The following UBXN8 variants were observed in gnomAD, a reference collection of about 807,000 sequenced individuals.
The protein encoded by UBXN8 is UBX domain-containing protein 8.
Under a neutral mutation model 32.1 loss-of-function variants are expected in UBXN8, and 27 were observed. That is an observed-to-expected ratio of 0.84 (90% confidence interval 0.62 to 1.16). UBXN8 has a LOEUF of 1.16. Among genes scored for constraint, UBXN8 ranks in the 50% most tolerant of loss-of-function variants. The pLI is 0.00. For missense variants in UBXN8, 306 were observed against 311.4 expected, an observed-to-expected ratio of 0.98 and a Z score of 0.13; for synonymous variants, 109 against 111.8, an observed-to-expected ratio of 0.98 and a Z score of 0.16.
intron 6 of UBXN8, chr8:30,763,023 A>C (rs868483570): frequency 5.9e-5 from 28 of 472,792 alleles, no homozygotes; most frequent in South Asian, 9.2e-5. Context: ...GCGTGCACCC[A>C]CATCTAGCTA....
At chr8:30,761,326 C>T (rs564238079) in intron 6 of UBXN8, among the ~76,000 whole-genome samples, 176 of 152,126 alleles carry the variant, frequency 1.2e-3, no homozygotes, top group African/African-American at 4.0e-3. Flanking sequence ...CTCACTGCAG[C>T]GTCCGCCTCC....
upstream of UBXN8, among the ~76,000 whole-genome samples, chr8:30,740,738 C>T (rs1247547195): frequency 6.6e-6 from 1 of 151,396 alleles, no homozygotes; most frequent in Non-Finnish European, 1.5e-5. Context: ...AGAATGGAGA[C>T]ACCAGTAACT....
intron 1 of UBXN8, among the ~76,000 whole-genome samples, chr8:30,750,084 C>T (rs758238665): frequency 6.6e-6 from 1 of 152,168 alleles, no homozygotes; most frequent in East Asian, 1.9e-4. Flanking sequence ...GAAATGACAA[C>T]CATCATGAGT....
intron 1 of UBXN8, among the ~76,000 whole-genome samples, chr8:30,749,689 T>C (rs1364149268): frequency 6.6e-6 from 1 of 151,142 alleles, no homozygotes; most frequent in African/African-American, 2.4e-5. Context: ...CACTGCAAGC[T>C]CTGCCTCACA....
chr8:30,764,620 T>C (rs979325006), intron 7 of UBXN8, among the ~76,000 whole-genome samples: 14 of 152,130 alleles, frequency 9.2e-5, no homozygotes, highest in African/African-American at 3.4e-4. Flanking sequence ...ATGAAAAAAA[T>C]GTTTGGCCTC....
In UBXN8 at chr8:30,766,438, A is replaced by G. The variant is rs1157085143; in HGVS notation, c.*44A>G. 9.3e-6 allele frequency: 14 copies of G among 1,504,670 alleles called. No homozygotes were observed. The East Asian group carries it at 1.2e-4, about 13-fold the overall frequency. The allele number at this position is 1,504,670 out of a possible 1,614,324, so 93.2% of individuals were successfully genotyped here. A position where few individuals can be genotyped will look rare whatever the true frequency, so the allele number is the denominator to read the frequency against. On this transcript the variant is annotated 3_prime_UTR_variant, in exon 8 of 8. Transcript: ENST00000265616. ...CTGTTTGCATGAAGTCAGTTATGCT[A>G]TGACCTTCTGGCACAATAAAGGCTT...
At chr8:30,743,224 T>TC (rs1341730250), upstream of UBXN8, among the ~76,000 whole-genome samples, 1 of 146,434 alleles carries the variant, frequency 6.8e-6, no homozygotes, top group East Asian at 2.1e-4. Context: ...TGGTGCAAAC[T>TC]CGGCTCAAAG....
At position 30,736,037 on chromosome 8, in the gene UBXN8, T is replaced by C. The variant is rs143635171; in HGVS notation, c.622+2729T>C. Reference sequence around the variant, plus strand: ...AATACAGGTTGCTCAATAAAATTTTTCATGTTCCATGTATGAAGATAATTG... The same window carrying C: ...AATACAGGTTGCTCAATAAAATTTTCCATGTTCCATGTATGAAGATAATTG... On this transcript the variant is annotated intron_variant, in intron 1 of 1. Coordinates refer to the UBXN8 transcript ENST00000522968. Among the ~76,000 whole-genome samples the C allele has an allele frequency of 5.5e-4, 84 of 152,362 alleles. 2 individuals are homozygous for C. The East Asian group carries it at 0.016, about 29-fold the overall frequency.
At position 30,766,157 on chromosome 8, in the gene UBXN8, T is replaced by C. The variant is rs1805996893; in HGVS notation, c.646-70T>C. 4 of 1,448,958 alleles carry C rather than the reference T, an allele frequency of 2.8e-6. No individual in the cohort carries two copies. The Admixed American group carries it at 8.5e-5, about 31-fold the overall frequency. The allele number at this position is 1,448,958 out of a possible 1,614,324, so 89.8% of individuals were successfully genotyped here. A position where few individuals can be genotyped will look rare whatever the true frequency, so the allele number is the denominator to read the frequency against. On this transcript the variant is annotated intron_variant, in intron 7 of 7. Coordinates refer to ENST00000265616, the MANE Select transcript of UBXN8 (RefSeq NM_005671.4). ...TTACATTGACAAAATTATAAAATGT[T>C]ATGGTGGTCTAAAGGGACATGGTGT...
chr8:30,766,181 G>A (rs1326119920), intron 7 of UBXN8, 46 bp from the exon 8 acceptor site: 1 of 1,568,682 alleles, frequency 6.4e-7, no homozygotes, highest in Admixed American at 1.8e-5. Flanking sequence ...GGGACATGGT[G>A]TGTAAAGTAT....
chr8:30,735,754 A>G (rs1257803835), intron 1 of UBXN8, among the ~76,000 whole-genome samples: 2 of 152,132 alleles, frequency 1.3e-5, no homozygotes, highest in East Asian at 3.9e-4. Flanking sequence ...CAGGAGAATC[A>G]ATTGATCCTG....
At chr8:30,757,655 T>TC (rs926106181) in intron 5 of UBXN8, among the ~76,000 whole-genome samples, 1 of 151,662 alleles carries the variant, frequency 6.6e-6, no homozygotes, top group Non-Finnish European at 1.5e-5. Context: ...GGTCACGAGT[T>TC]CAAGACCAGC....
intron 5 of UBXN8, among the ~76,000 whole-genome samples, chr8:30,759,084 A>G (rs1198521387): frequency 6.6e-6 from 1 of 150,546 alleles, no homozygotes; most frequent in African/African-American, 2.4e-5. Context: ...TAGTAGAGAC[A>G]GGGTTCCATC....
At chr8:30,737,647 C>A (rs1160269900) in intron 1 of UBXN8, among the ~76,000 whole-genome samples, 1 of 80,418 alleles carries the variant, frequency 1.2e-5, no homozygotes, top group Non-Finnish European at 4.3e-5. Flanking sequence ...GTGATCTCAC[C>A]ACTGCACTCC....
intron 5 of UBXN8, among the ~76,000 whole-genome samples, chr8:30,757,817 G>A (rs1227878540): frequency 1.4e-5 from 2 of 143,908 alleles, no homozygotes; most frequent in Non-Finnish European, 3.0e-5. Flanking sequence ...CCTAGATTGC[G>A]CCACTGCACT....
chr8:30,754,579 G>C, intron 3 of UBXN8, 86 bp from the exon 4 acceptor site: 1 of 1,471,694 alleles, frequency 6.8e-7, no homozygotes, highest in Non-Finnish European at 9.0e-7. Flanking sequence ...GTTCTTACTT[G>C]GTTCTTATTT....
At chr8:30,751,101 A>G (rs1805510011) in intron 1 of UBXN8, among the ~76,000 whole-genome samples, 1 of 152,220 alleles carries the variant, frequency 6.6e-6, no homozygotes, top group Non-Finnish European at 1.5e-5. Context: ...CCAATACCCC[A>G]TGAATACTGA....
At chr8:30,730,721 GACTGTGTGAGGCCTATCACATGTAT>G (rs1804931759), upstream of UBXN8, among the ~76,000 whole-genome samples, 1 of 152,218 alleles carries the variant, frequency 6.6e-6, no homozygotes, top group African/African-American at 2.4e-5. Flanking sequence ...TTCTACGAGA[GACTGTGTGAGGCCTATCACATGTAT>G]ACTCCCTTTG....
chr8:30,749,401 A>AATAAAT (rs1554577897), intron 1 of UBXN8, among the ~76,000 whole-genome samples: 2 of 9,744 alleles, frequency 2.1e-4, no homozygotes, highest in African/African-American at 3.4e-4. Flanking sequence ...TCAAAAAAAA[A>AATAAAT]AAATAAAATA....
Sources: allele counts gnomAD v4.1 joint callset (sites outside exome capture counted in the v4.1 genomes callset), GRCh38; gene constraint gnomAD v4.1.1; transcripts MANE v1.5; gene names NCBI Gene and HGNC (gene_info 2026-07-23, HGNC 2026-07-21).